Variants in ASCC1 observed in about 807,000 individuals in gnomAD.
The protein encoded by ASCC1 is activating signal cointegrator 1 complex subunit 1, also known as ASC-1 complex subunit P50.
ASCC1 carries 35 observed loss-of-function variants against 46.6 expected under a neutral mutation model. The ratio of observed to expected loss-of-function variants is 0.75; its 90% CI spans 0.57 to 0.99. ASCC1 has a LOEUF of 0.99. Among genes scored for constraint, ASCC1 ranks in the 50% least tolerant of loss-of-function variants. The pLI is 0.00. For synonymous variants in ASCC1, 143 were observed against 146.6 expected, an observed-to-expected ratio of 0.98 and a Z score of 0.18; for missense variants, 376 against 428.7, an observed-to-expected ratio of 0.88 and a Z score of 1.09.
chr10:72,214,325 A>T (rs1185730942), intron 1 of ASCC1, among the ~76,000 whole-genome samples: 1 of 151,892 alleles, frequency 6.6e-6, no homozygotes, highest in African/African-American at 2.4e-5. Flanking sequence ...TAATGAGTAA[A>T]ATGCAAACTT....
intron 7 of ASCC1, among the ~76,000 whole-genome samples, chr10:72,138,584 TTTTCTTTC>T (rs1157135394): frequency 1.1e-3 from 158 of 150,310 alleles, no homozygotes; most frequent in African/African-American, 3.7e-3. Context: ...GCTGTTTCCT[TTTTCTTTC>T]TTTCTTTCTT....
At chr10:72,160,866 A>T (rs531347393) in intron 6 of ASCC1, among the ~76,000 whole-genome samples, 1 of 151,278 alleles carries the variant, frequency 6.6e-6, no homozygotes, top group African/African-American at 2.4e-5. Flanking sequence ...GGCGGATCAC[A>T]AGGTCAAGAG....
At chr10:72,128,280 G>T in intron 8 of ASCC1, 113 bp from the exon 9 acceptor site, 1 of 849,398 alleles carries the variant, frequency 1.2e-6, no homozygotes, top group Non-Finnish European at 2.0e-6. Flanking sequence ...TACCTGGAAA[G>T]TGGCATAATG....
At chr10:72,149,914 G>A (rs1460524354) in intron 7 of ASCC1, among the ~76,000 whole-genome samples, 2 of 152,084 alleles carry the variant, frequency 1.3e-5, no homozygotes, top group Non-Finnish European at 2.9e-5. Flanking sequence ...AGCCAGGCAC[G>A]GTGGCTTACA....
At chr10:72,100,387 A>C (rs1841610566) in intron 9 of ASCC1, among the ~76,000 whole-genome samples, 1 of 151,756 alleles carries the variant, frequency 6.6e-6, no homozygotes, top group Non-Finnish European at 1.5e-5. Flanking sequence ...CACCACACCC[A>C]GATAATTTCT....
At chr10:72,172,683 T>C (rs1172860004) in intron 5 of ASCC1, among the ~76,000 whole-genome samples, 10 of 137,998 alleles carry the variant, frequency 7.2e-5, no homozygotes, top group African/African-American at 2.5e-4. Context: ...TTACACTAGT[T>C]CCTCTAAAAA....
intron 9 of ASCC1, among the ~76,000 whole-genome samples, chr10:72,123,934 T>C (rs774538593): frequency 6.6e-6 from 1 of 152,230 alleles, no homozygotes; most frequent in Non-Finnish European, 1.5e-5. Flanking sequence ...TATACACATA[T>C]ATATTTCAGC....
chr10:72,202,593 A>G (rs1031322817), intron 4 of ASCC1, among the ~76,000 whole-genome samples: 3 of 152,150 alleles, frequency 2.0e-5, no homozygotes, highest in Non-Finnish European at 4.4e-5. Context: ...GAGGCTTGGT[A>G]CAGACACTTT....
intron 5 of ASCC1, chr10:72,190,614 A>AT: frequency 1.0e-6 from 1 of 995,268 alleles, no homozygotes; most frequent in East Asian, 2.6e-5. Flanking sequence ...CTAATAAACA[A>AT]TTTAAGACAG....
chr10:72,177,589 G>C (rs1852013870), intron 5 of ASCC1, among the ~76,000 whole-genome samples: 1 of 152,138 alleles, frequency 6.6e-6, no homozygotes, highest in Admixed American at 6.5e-5. Context: ...ATCCCCTGTT[G>C]CTTCAGATGG....
At chr10:72,143,915 C>A (rs1297065705) in intron 7 of ASCC1, among the ~76,000 whole-genome samples, 1 of 151,900 alleles carries the variant, frequency 6.6e-6, no homozygotes, top group Non-Finnish European at 1.5e-5. Context: ...AAGTTCAGAA[C>A]TGTTATATCT....
At chr10:72,133,326 A>G in intron 7 of ASCC1, 145 bp from the exon 8 acceptor site, 6 of 749,566 alleles carry the variant, frequency 8.0e-6, no homozygotes, top group Non-Finnish European at 1.4e-5. Flanking sequence ...TAAGAGACTC[A>G]TCTCCCACCA....
At chr10:72,198,401 GGGAA>G in intron 4 of ASCC1, 1 of 298,280 alleles carries the variant, frequency 3.4e-6, no homozygotes, top group South Asian at 2.4e-5. Context: ...GGGAAGGGAA[GGGAA>G]GGAAGGAAAG....
At chr10:72,216,393 G>A (rs919124879), upstream of ASCC1, 8 of 184,936 alleles carry the variant, frequency 4.3e-5, no homozygotes, top group Non-Finnish European at 8.1e-5. Context: ...GGGAAAAGTG[G>A]CTAGGAGTTA....
intron 9 of ASCC1, among the ~76,000 whole-genome samples, chr10:72,117,259 T>C (rs1488621286): frequency 6.6e-6 from 1 of 152,212 alleles, no homozygotes; most frequent in African/African-American, 2.4e-5. Context: ...TCCTCTTATG[T>C]CTAATCATCT....
At chr10:72,118,019 TTC>T (rs751128057) in intron 9 of ASCC1, among the ~76,000 whole-genome samples, 3 of 152,188 alleles carry the variant, frequency 2.0e-5, no homozygotes, top group Non-Finnish European at 4.4e-5. Flanking sequence ...AGGAAAGACT[TTC>T]TGAGAAATTT....
At chr10:72,160,720 T>C (rs1295640430) in intron 6 of ASCC1, among the ~76,000 whole-genome samples, 2 of 131,712 alleles carry the variant, frequency 1.5e-5, no homozygotes, top group Non-Finnish European at 3.3e-5. Flanking sequence ...AAAATAAAAA[T>C]AATAATAAAA....
At chr10:72,161,714 C>CA (rs1849716893) in intron 5 of ASCC1, 40 bp from the exon 6 acceptor site, 1 of 1,613,252 alleles carries the variant, frequency 6.2e-7, no homozygotes, top group African/African-American at 1.3e-5. Context: ...TCAGCCCATA[C>CA]AAAGGCAAAT....
At chr10:72,106,801 G>C (rs957618678) in intron 9 of ASCC1, among the ~76,000 whole-genome samples, 8 of 152,192 alleles carry the variant, frequency 5.3e-5, no homozygotes, top group African/African-American at 1.7e-4. Context: ...AAGAAACAGG[G>C]ACAAGCTAGG....
Sources: gnomAD v4.1 joint callset for allele counts (sites outside exome capture counted in the v4.1 genomes callset) on GRCh38, gnomAD v4.1.1 for gene constraint, MANE v1.5 for transcripts, NCBI Gene and HGNC (gene_info 2026-07-23, HGNC 2026-07-21) for gene names.